Variants in F5 observed in about 807,000 individuals in gnomAD.
The protein encoded by F5 is coagulation factor V.
A neutral mutation model predicts 216.4 loss-of-function variants in F5; 138 were observed. The observed-to-expected ratio is 0.64, with a 90% CI of 0.56 to 0.73. The LOEUF is 0.73. Among genes scored for constraint, F5 ranks in the 30% least tolerant of loss-of-function variants. The pLI is 0.00. For synonymous variants in F5, 916 were observed against 930.7 expected, an observed-to-expected ratio of 0.98 and a Z score of 0.29; for missense variants, 2,403 against 2,674.0, an observed-to-expected ratio of 0.90 and a Z score of 2.24.
At chr1:169,580,361 A>G (rs1660960109) in intron 2 of F5, among the ~76,000 whole-genome samples, 1 of 151,464 alleles carries the variant, frequency 6.6e-6, no homozygotes, top group African/African-American at 2.4e-5. Context: ...TAGGTTCTCA[A>G]TATACTTTTT....
rs1251729777 is a variant in F5, at chr1:169,540,882, G to T, written c.4208C>A (p.Thr1403Asn). 1 of 1,611,396 alleles carries T rather than the reference G, an allele frequency of 6.2e-7. No individual in the cohort carries two copies. Among genetic ancestry groups the T allele is most frequent in the East Asian group, 2.2e-5 (1 of 44,500 alleles). ...AAGTGTCATCTGGTCGAGGTCTGGG[G>T]TAAGGGGAATTTGACTGAGATCTGC... ...LFADLSQIPLTPDLDQMTLSP... is the reference protein window; with the variant it reads ...LFADLSQIPLNPDLDQMTLSP... The change falls in exon 13 of 25, where the codon ACC (threonine) becomes AAC (asparagine). Residue 1403 changes from threonine to asparagine, a missense_variant. By Grantham distance (65) the Thr-to-Asn change is moderately conservative (BLOSUM62 0). Transcript: ENST00000367797.
Position 169,514,188 on chromosome 1 carries a change from C to CTAA in F5, c.*122_*124dup. 9.8e-7 allele frequency: 1 copy of CTAA among 1,020,520 alleles called. No homozygotes were observed. The highest frequency in any genetic ancestry group is 1.5e-6 in the Non-Finnish European group (1 of 671,324). The allele number at this position is 1,020,520 out of a possible 1,614,324, so 63.2% of individuals were successfully genotyped here. A position where few individuals can be genotyped will look rare whatever the true frequency, so the allele number is the denominator to read the frequency against. On this transcript the variant is annotated 3_prime_UTR_variant, in exon 25 of 25. Coordinates refer to ENST00000367797, the MANE Select transcript of F5 (RefSeq NM_000130.5). The stretch of plus-strand genomic sequence containing the variant: ...AGCTTCTTGTATAAAATTTTATTCA[C>CTAA]TAATAGAAAAGAAAGAGAAATAGTG...
In F5 at chr1:169,523,900, G is replaced by C; in HGVS notation, c.5793C>G (p.Tyr1931Ter). 1 of 1,612,174 alleles carries C rather than the reference G, an allele frequency of 6.2e-7. No individual in the cohort carries two copies. The highest frequency in any genetic ancestry group is 8.5e-7 in the Non-Finnish European group (1 of 1,178,530). The change falls in exon 20 of 25, where the codon TAC becomes TAG. Residue 1931 changes from tyrosine to a stop codon, truncating the protein, a stop_gained. Coordinates refer to ENST00000367797, the MANE Select transcript of F5 (RefSeq NM_000130.5). LOFTEE classifies it high-confidence loss of function. ...TTAATCTTGCTAATCTGGGCTCCCA[G>C]TAACCTAAACTCAAGGGAAGAAAAA... ...SQIKASEFLG[Y>*]WEPRLARLNN...
intron 13 of F5, among the ~76,000 whole-genome samples, chr1:169,539,423 C>A (rs1659779137): frequency 6.6e-6 from 1 of 152,146 alleles, no homozygotes; most frequent in South Asian, 2.1e-4. Context: ...ACAGGCCCTG[C>A]ATCTCACTCC....
intron 2 of F5, among the ~76,000 whole-genome samples, chr1:169,578,572 C>A (rs1266218408): frequency 6.6e-6 from 1 of 152,208 alleles, no homozygotes; most frequent in East Asian, 1.9e-4. Flanking sequence ...CCTTCAAATA[C>A]CGGCCCCAAT....
At chr1:169,538,310 C>G (rs1659753720) in intron 13 of F5, among the ~76,000 whole-genome samples, 6 of 152,036 alleles carry the variant, frequency 3.9e-5, no homozygotes, top group Admixed American at 3.9e-4. Flanking sequence ...GAAGGTAGAA[C>G]AGTGGTTAAC....
Position 169,555,245 on chromosome 1 carries a change from T to A in F5, c.1055A>T (p.Tyr352Phe). Residue 352 changes from tyrosine (Y) to phenylalanine (F), a missense_variant, in exon 7 of 25, where the codon TAC (tyrosine) becomes TTC (phenylalanine). Coordinates refer to ENST00000367797, the MANE Select transcript of F5 (RefSeq NM_000130.5). ...AATGACTTCCTCTGCAGCAATGAAG[T>A]ATTCCCACCTCTTCATGTGCCGCCT... ...EQRRHMKRWE[Y>F]FIAAEEVIWD... 6.2e-7 allele frequency: 1 copy of A among 1,614,116 alleles called. No homozygotes were observed. Among genetic ancestry groups the A allele is most frequent in the Non-Finnish European group, 8.5e-7 (1 of 1,179,972 alleles).
At chr1:169,536,995 T>G (rs1303234855) in intron 13 of F5, among the ~76,000 whole-genome samples, 2 of 151,856 alleles carry the variant, frequency 1.3e-5, no homozygotes, top group Non-Finnish European at 1.5e-5. Flanking sequence ...TCTTATAATA[T>G]CTCTAGAATA....
At position 169,560,779 on chromosome 1, in the gene F5, C is replaced by T; in HGVS notation, c.374-13G>A. ...AGGTAAGAAGCACCTGGAGGAGTAA[C>T]AGCCATCAAGACATGTGGGCAGTTT... On this transcript the variant is annotated splice_polypyrimidine_tract_variant and intron_variant, in intron 3 of 24. Transcript: ENST00000367797. The T allele has an allele frequency of 6.2e-7, 1 of 1,611,148 alleles. No individual in the cohort carries two copies. The highest frequency in any genetic ancestry group is 1.3e-5 in the African/African-American group (1 of 74,876).
Position 169,541,708 on chromosome 1 carries a change from G to A in F5, c.3382C>T (p.Gln1128Ter). Residue 1128 changes from glutamine to a stop codon, truncating the protein, a stop_gained, in exon 13 of 25, where the codon CAA becomes TAA. Transcript: ENST00000367797. LOFTEE classifies it high-confidence loss of function. ...TCAGGGTCTTGAATGGGGAATGTTT[G>A]ATAGTGTTCCTCTGGGGGCACTGTC... is the stretch of plus-strand genomic sequence containing the variant. ...YQTVPPEEHY[Q>*]TFPIQDPDQM... 6.2e-7 allele frequency: 1 copy of A among 1,614,108 alleles called. No individual in the cohort carries two copies. The highest frequency in any genetic ancestry group is 1.1e-5 in the South Asian group (1 of 91,076).
chr1:169,514,473 A>G lies in F5; in HGVS notation c.6529-14T>C. Reference sequence around the variant, plus strand: ...TCCTTCAAAAATCTGAAAGCCAAATAAGAGAAAATCTTTAATGACAACATA... The same window carrying G: ...TCCTTCAAAAATCTGAAAGCCAAATGAGAGAAAATCTTTAATGACAACATA... On this transcript the variant is annotated splice_polypyrimidine_tract_variant and intron_variant, in intron 24 of 24. Transcript: ENST00000367797. 2 of 1,611,562 alleles carry G rather than the reference A, an allele frequency of 1.2e-6. No individual in the cohort carries two copies. The highest frequency in any genetic ancestry group is 1.7e-6 in the Non-Finnish European group (2 of 1,178,288).
intron 6 of F5, among the ~76,000 whole-genome samples, chr1:169,556,438 A>AAAAAAAAAAAAAC (rs1395709916): frequency 2.0e-5 from 3 of 150,066 alleles, no homozygotes; most frequent in African/African-American, 7.4e-5. Context: ...AAAAAAAAAA[A>AAAAAAAAAAAAAC]AAACCTTTGC....
At position 169,541,010 on chromosome 1, in the gene F5, G is replaced by T; in HGVS notation, c.4080C>A (p.Asp1360Glu). Residue 1360 changes from aspartate to glutamate, a missense_variant, in exon 13 of 25, where the codon GAC becomes GAA. Transcript: ENST00000367797. Reference sequence around the variant, plus strand: ...CTAGAGAAAGGGTTGTATGGCTGGGGTCTGGAGAAAGGGGCATCTGACCGA... The same window carrying T: ...CTAGAGAAAGGGTTGTATGGCTGGGTTCTGGAGAAAGGGGCATCTGACCGA... ...PALGQMPLSP[D>E]PSHTTLSLDL... is the part of the protein sequence containing the mutation. 6.3e-7 allele frequency: 1 copy of T among 1,591,558 alleles called. No homozygotes were observed. Among genetic ancestry groups the T allele is most frequent in the Non-Finnish European group, 8.6e-7 (1 of 1,163,326 alleles).
At chr1:169,578,230 C>T (rs1660908263) in intron 2 of F5, among the ~76,000 whole-genome samples, 1 of 152,208 alleles carries the variant, frequency 6.6e-6, no homozygotes, top group African/African-American at 2.4e-5. Context: ...GACGTCGAAA[C>T]ACCTTTGTCC....
intron 2 of F5, among the ~76,000 whole-genome samples, chr1:169,577,584 T>C (rs1274489002): frequency 9.3e-6 from 1 of 107,366 alleles, no homozygotes; most frequent in Non-Finnish European, 1.8e-5. Flanking sequence ...TATATATATA[T>C]ATATATATAT....
intron 12 of F5, among the ~76,000 whole-genome samples, chr1:169,543,445 T>G (rs1194142368): frequency 6.6e-6 from 1 of 152,018 alleles, no homozygotes; most frequent in African/African-American, 2.4e-5. Context: ...GGAAAAAAGG[T>G]CTTTCAGCAC....
At chr1:169,565,342 T>A (rs1381305722) in intron 3 of F5, among the ~76,000 whole-genome samples, 1 of 152,106 alleles carries the variant, frequency 6.6e-6, no homozygotes, top group Non-Finnish European at 1.5e-5. Flanking sequence ...GTCACCCAAG[T>A]GTGAGTTCCT....
intron 7 of F5, among the ~76,000 whole-genome samples, chr1:169,553,558 A>G (rs997589333): frequency 2.6e-5 from 4 of 152,112 alleles, no homozygotes; most frequent in African/African-American, 4.8e-5. Flanking sequence ...AATACAAAAA[A>G]TTATATTTTT....
rs1659819903 is a variant in F5 at position 169,540,862 on chromosome 1, T to C, written c.4228A>G (p.Thr1410Ala). ...GTCTCACCAAGGTCTGGAGAAAGTGTCATCTGGTCGAGGTCTGGGGTAAGG... is the reference window on the plus strand; with the variant it reads ...GTCTCACCAAGGTCTGGAGAAAGTGCCATCTGGTCGAGGTCTGGGGTAAGG... ...IPLTPDLDQM[T>A]LSPDLGETDL... Residue 1410 changes from threonine to alanine, a missense_variant, in exon 13 of 25, where the codon ACA becomes GCA. Thr to Ala is a moderately conservative substitution (Grantham distance 58, BLOSUM62 0). Around this residue, in one of 4 missense-constraint regions of F5, gnomAD observed 293 missense variants for 270.8 expected, o/e 1.08. Transcript: ENST00000367797. 1 of 1,611,706 alleles carries C rather than the reference T, an allele frequency of 6.2e-7. No homozygotes were observed. The highest frequency in any genetic ancestry group is 1.1e-5 in the South Asian group (1 of 90,894).
Sources: gnomAD v4.1 joint callset for allele counts (sites outside exome capture counted in the v4.1 genomes callset) on GRCh38, gnomAD v4.1.1 for gene constraint, gnomAD v4.1.1 regional missense constraint, MANE v1.5 for transcripts, NCBI Gene and HGNC (gene_info 2026-07-23, HGNC 2026-07-21) for gene names.